Variants in RORA observed in about 807,000 individuals in gnomAD.
RORA encodes the protein RAR related orphan receptor A.
RORA carries 7 observed loss-of-function variants against 69.5 expected under a neutral mutation model. The ratio of observed to expected loss-of-function variants is 0.10; its 90% CI spans 0.06 to 0.19. The LOEUF (loss-of-function observed/expected upper bound fraction) is 0.19, where lower values mean the gene tolerates loss of function less well. RORA is among the 10% of genes least tolerant of loss of function. The probability of loss-of-function intolerance (pLI) is 1.00; values close to 1 mark genes in which losing one functional copy is unlikely to be tolerated. For synonymous variants in RORA, 261 were observed against 240.8 expected (o/e 1.08, Z -0.78); for missense variants, 457 against 663.0 (o/e 0.69, Z 3.41).
intron 1 of RORA, among the ~76,000 whole-genome samples, chr15:60,989,715 T>C (rs1340840184): frequency 6.6e-6 from 1 of 152,158 alleles, no homozygotes; most frequent in Non-Finnish European, 1.5e-5. Flanking sequence ...TTTACTTTTG[T>C]TTTTATAAGA....
In RORA at chr15:61,114,525, G is replaced by C. The variant is rs545724604; in HGVS notation, c.166+114528C>G. ...TACTAAAATGTTTGTTGCTGTGACT[G>C]CAAGAAATCAGGGATTAATATTTAC... On this transcript the variant is annotated intron_variant, in intron 1 of 10. Transcript: ENST00000335670. Among the ~76,000 whole-genome samples, 9 of 152,282 alleles carry C rather than the reference G, an allele frequency of 5.9e-5. No homozygotes were observed. In the East Asian group the frequency reaches 1.7e-3, roughly 29 times the overall value.
At chr15:60,614,823 A>G (rs1048403552) in intron 2 of RORA, 1 of 1,193,768 alleles carries the variant, frequency 8.4e-7, no homozygotes, top group African/African-American at 1.5e-5. Flanking sequence ...ACACACGCAC[A>G]TGCAGACAGA....
intron 1 of RORA, among the ~76,000 whole-genome samples, chr15:60,872,839 C>T (rs919154022): frequency 5.1e-4 from 78 of 152,138 alleles, no homozygotes; most frequent in African/African-American, 1.7e-3. Flanking sequence ...TCCTTACCTC[C>T]AGCCATGCAC....
At chr15:60,875,989 C>T (rs976546256) in intron 1 of RORA, among the ~76,000 whole-genome samples, 1 of 152,148 alleles carries the variant, frequency 6.6e-6, no homozygotes, top group African/African-American at 2.4e-5. Context: ...GGATCAGGTT[C>T]TCTAAAAACT....
chr15:60,866,656 A>G (rs902751545), intron 1 of RORA, among the ~76,000 whole-genome samples: 5 of 152,076 alleles, frequency 3.3e-5, no homozygotes, highest in African/African-American at 1.2e-4. Flanking sequence ...CCAGTGGCCA[A>G]TCATGCCTAC....
intron 1 of RORA, among the ~76,000 whole-genome samples, chr15:60,736,272 G>A (rs1567173451): frequency 1.3e-5 from 2 of 152,144 alleles, no homozygotes; most frequent in Non-Finnish European, 2.9e-5. Flanking sequence ...AGTTGGTACA[G>A]GAACCTAAGG....
intron 2 of RORA, chr15:60,592,700 G>A (rs2068569016): frequency 9.7e-7 from 1 of 1,036,252 alleles, no homozygotes; most frequent in Non-Finnish European, 1.2e-6. Flanking sequence ...GCCCCCGCGG[G>A]CAGGTGAGTA....
chr15:60,544,285 C>G (rs1442671659), intron 2 of RORA, among the ~76,000 whole-genome samples: 1 of 152,154 alleles, frequency 6.6e-6, no homozygotes, highest in Non-Finnish European at 1.5e-5. Context: ...TATGGCAAAA[C>G]CCAGCAGGTT....
At chr15:60,843,877 G>C (rs1322139581) in intron 1 of RORA, among the ~76,000 whole-genome samples, 1 of 152,154 alleles carries the variant, frequency 6.6e-6, no homozygotes, top group Non-Finnish European at 1.5e-5. Context: ...AAACATCTCA[G>C]GATAATGCAC....
chr15:61,076,945 A>AG (rs2078459870), intron 1 of RORA, among the ~76,000 whole-genome samples: 1 of 152,060 alleles, frequency 6.6e-6, no homozygotes, highest in Admixed American at 6.5e-5. Flanking sequence ...GTAAAAAAAA[A>AG]AAAAGCCCTT....
At chr15:61,045,451 G>A (rs1056366237) in intron 1 of RORA, among the ~76,000 whole-genome samples, 1 of 152,222 alleles carries the variant, frequency 6.6e-6, no homozygotes, top group African/African-American at 2.4e-5. Context: ...TTTAATGACT[G>A]AGAAGCTGGG....
intron 1 of RORA, among the ~76,000 whole-genome samples, chr15:61,044,981 A>G (rs1896954399): frequency 6.6e-6 from 1 of 152,218 alleles, no homozygotes; most frequent in Non-Finnish European, 1.5e-5. Flanking sequence ...ACTTGGGGGC[A>G]CTCGGGAAAA....
At chr15:60,522,080 G>C (rs909280536) in intron 3 of RORA, among the ~76,000 whole-genome samples, 1 of 152,214 alleles carries the variant, frequency 6.6e-6, no homozygotes, top group African/African-American at 2.4e-5. Context: ...CAGGTTGCAA[G>C]AGCTGAGTGC....
chr15:60,665,451 A>C (rs2070365320), intron 2 of RORA, among the ~76,000 whole-genome samples: 1 of 152,244 alleles, frequency 6.6e-6, no homozygotes, highest in Non-Finnish European at 1.5e-5. Context: ...CACATTCTTC[A>C]TATCTAGAAA....
intron 1 of RORA, among the ~76,000 whole-genome samples, chr15:61,071,790 T>C (rs1181099600): frequency 6.6e-6 from 1 of 151,880 alleles, no homozygotes; most frequent in African/African-American, 2.4e-5. Context: ...CAACAAATTA[T>C]TTTAGATGTA....
intron 1 of RORA, among the ~76,000 whole-genome samples, chr15:61,175,264 G>C (rs556600034): frequency 5.9e-5 from 9 of 152,212 alleles, no homozygotes; most frequent in African/African-American, 2.2e-4. Context: ...GGAAAATTTA[G>C]GATTCAAATT....
intron 1 of RORA, among the ~76,000 whole-genome samples, chr15:60,808,959 G>A (rs961411374): frequency 2.6e-5 from 4 of 152,034 alleles, no homozygotes; most frequent in African/African-American, 9.7e-5. Flanking sequence ...TTCATATGTG[G>A]CAGCTAAGCT....
At chr15:60,711,800 C>A (rs2071147820) in intron 1 of RORA, among the ~76,000 whole-genome samples, 1 of 152,182 alleles carries the variant, frequency 6.6e-6, no homozygotes, top group African/African-American at 2.4e-5. Flanking sequence ...CAAACCCTGT[C>A]AGCAACCCAC....
intron 2 of RORA, among the ~76,000 whole-genome samples, chr15:60,619,644 C>T (rs1004408505): frequency 1.5e-4 from 23 of 152,304 alleles, no homozygotes; most frequent in Admixed American, 1.1e-3. Flanking sequence ...TGCATACAAG[C>T]GGGAGTTCTG....
Sources: allele counts gnomAD v4.1 joint callset (sites outside exome capture counted in the v4.1 genomes callset), GRCh38; gene constraint gnomAD v4.1.1; transcripts MANE v1.5; gene names NCBI Gene and HGNC (gene_info 2026-07-23, HGNC 2026-07-21).